RBM33: variants seen among roughly 807,000 people sequenced by gnomAD.
The protein encoded by RBM33 is RNA binding motif protein 33.
RBM33 carries 28 observed loss-of-function variants against 132.6 expected under a neutral mutation model. The observed-to-expected ratio is 0.21, with a 90% confidence interval of 0.16 to 0.29. RBM33 has a LOEUF of 0.29. Ranked by LOEUF, RBM33 falls within the 10% of genes least tolerant of loss-of-function variation. The pLI is 1.00. For missense variants in RBM33, 1,291 were observed against 1,518.5 expected (o/e 0.85, Z 2.49); for synonymous variants, 634 against 593.0 (o/e 1.07, Z -1.01).
chr7:155,657,277 T>C (rs1798518590), intron 1 of RBM33, among the ~76,000 whole-genome samples: 1 of 152,174 alleles, frequency 6.6e-6, no homozygotes, highest in African/African-American at 2.4e-5. Flanking sequence ...TTAAATTTCC[T>C]TCCGGAGTGC....
At chr7:155,679,502 G>GAT (rs199558845) in intron 4 of RBM33, among the ~76,000 whole-genome samples, 1,065 of 80,174 alleles carry the variant, frequency 0.013, 18 homozygotes, top group African/African-American at 0.039. Context: ...AAAGAGGAGA[G>GAT]ACACACTGGT....
intron 2 of RBM33, among the ~76,000 whole-genome samples, chr7:155,671,033 CA>C (rs1370927516): frequency 2.0e-5 from 3 of 152,152 alleles, no homozygotes; most frequent in Non-Finnish European, 2.9e-5. Flanking sequence ...GGGAAACTGG[CA>C]TCACATTCCA....
At chr7:155,658,952 T>C (rs1327124665) in intron 1 of RBM33, among the ~76,000 whole-genome samples, 3 of 152,192 alleles carry the variant, frequency 2.0e-5, no homozygotes, top group African/African-American at 7.2e-5. Flanking sequence ...TTCCTTTTTA[T>C]TGGATGCAGG....
chr7:155,679,945 T>C (rs1799292379), intron 4 of RBM33, among the ~76,000 whole-genome samples: 1 of 152,210 alleles, frequency 6.6e-6, no homozygotes, highest in South Asian at 2.1e-4. Flanking sequence ...CATGTTTTTT[T>C]TGCAGTTTCA....
intron 14 of RBM33, among the ~76,000 whole-genome samples, chr7:155,759,401 T>G (rs1470644429): frequency 6.6e-6 from 1 of 150,544 alleles, no homozygotes; most frequent in Non-Finnish European, 1.5e-5. Flanking sequence ...ATTTATTGAC[T>G]CAATGTTTAT....
intron 9 of RBM33, among the ~76,000 whole-genome samples, chr7:155,734,991 A>G (rs1360723755): frequency 6.6e-6 from 1 of 152,238 alleles, no homozygotes; most frequent in African/African-American, 2.4e-5. Context: ...AAATGCTTGC[A>G]CAGCTACTCT....
intron 2 of RBM33, among the ~76,000 whole-genome samples, chr7:155,666,336 C>G (rs566741899): frequency 6.6e-6 from 1 of 152,292 alleles, no homozygotes; most frequent in African/African-American, 2.4e-5. Context: ...GTGAATTTGC[C>G]CAACTCCAAC....
chr7:155,702,103 AGG>A (rs1799982661), intron 6 of RBM33, among the ~76,000 whole-genome samples: 1 of 152,216 alleles, frequency 6.6e-6, no homozygotes, highest in Non-Finnish European at 1.5e-5. Context: ...AGGAGGACAC[AGG>A]GGCTCTGCCT....
intron 2 of RBM33, among the ~76,000 whole-genome samples, chr7:155,671,696 A>G (rs1798946021): frequency 6.6e-6 from 1 of 152,220 alleles, no homozygotes; most frequent in South Asian, 2.1e-4. Context: ...AGCAATTCTA[A>G]TAACAATATC....
chr7:155,661,494 G>C (rs1477383437), intron 1 of RBM33, among the ~76,000 whole-genome samples: 1 of 149,530 alleles, frequency 6.7e-6, no homozygotes, highest in Non-Finnish European at 1.5e-5. Flanking sequence ...TGCAACCTCT[G>C]CCTCCTGGGT....
chr7:155,719,322 T>A (rs1304120292), intron 9 of RBM33, among the ~76,000 whole-genome samples: 1 of 152,204 alleles, frequency 6.6e-6, no homozygotes, highest in African/African-American at 2.4e-5. Flanking sequence ...ACTGTTTATC[T>A]TTGGTACTTC....
At chr7:155,683,677 G>A (rs752087403) in intron 5 of RBM33, among the ~76,000 whole-genome samples, 17 of 152,162 alleles carry the variant, frequency 1.1e-4, no homozygotes, top group Non-Finnish European at 2.4e-4. Context: ...AGAGTGAATT[G>A]TGATTTCATT....
chr7:155,712,447 T>C (rs1320367323), intron 8 of RBM33, among the ~76,000 whole-genome samples: 1 of 152,270 alleles, frequency 6.6e-6, no homozygotes, highest in East Asian at 1.9e-4. Context: ...TATTACTTTC[T>C]ATCAGACAGT....
intron 9 of RBM33, among the ~76,000 whole-genome samples, chr7:155,735,052 A>G (rs1163027646): frequency 6.6e-6 from 1 of 152,212 alleles, no homozygotes; most frequent in Admixed American, 6.5e-5. Context: ...AGTTGCAAAC[A>G]TCGTAAGTTG....
rs1802673429 is a variant in RBM33, at chr7:155,777,882, C to T, written c.*2841C>T. On this transcript the variant is annotated 3_prime_UTR_variant, in exon 18 of 18. Coordinates refer to ENST00000401878, the MANE Select transcript of RBM33 (RefSeq NM_053043.3). ...TCACAAATTCAAGAAGCTTAAAGGT[C>T]GTAAATATCAGTATCTCATAAGGTA... 1 of 152,640 alleles carries T rather than the reference C, an allele frequency of 6.6e-6. No individual in the cohort carries two copies. Among genetic ancestry groups the T allele is most frequent in the Non-Finnish European group, 1.5e-5 (1 of 68,034 alleles). 9.5% of individuals were successfully genotyped at this position (152,640 alleles called of 1,614,324 possible).
Position 155,775,126 on chromosome 7 carries a change from G to A in RBM33, c.*85G>A. On this transcript the variant is annotated 3_prime_UTR_variant, in exon 18 of 18. Transcript: ENST00000401878. ...GCTGCCGGCCGGCGCAGAACCCCCA[G>A]GAGCACAGGTCTCTCCGGGCCGCTG... 1 of 1,185,418 alleles carries A rather than the reference G, an allele frequency of 8.4e-7. No individual in the cohort carries two copies. Among genetic ancestry groups the A allele is most frequent in the Admixed American group, 1.7e-5 (1 of 58,674 alleles). The allele number at this position is 1,185,418 out of a possible 1,614,324, so 73.4% of individuals were successfully genotyped here.
chr7:155,709,736 A>G (rs1456826501), intron 7 of RBM33, among the ~76,000 whole-genome samples: 3 of 152,220 alleles, frequency 2.0e-5, no homozygotes, highest in Non-Finnish European at 4.4e-5. Context: ...AAGATAGACA[A>G]GATCCCTACT....
chr7:155,718,258 C>A, intron 8 of RBM33, 127 bp from the exon 9 acceptor site: 1 of 655,690 alleles, frequency 1.5e-6, no homozygotes, highest in South Asian at 2.3e-5. Context: ...TTAGCTTAAG[C>A]GTAAGCACAA....
chr7:155,655,533 C>CCTTTTTTTTTT (rs1798468939), intron 1 of RBM33, among the ~76,000 whole-genome samples: 1 of 43,734 alleles, frequency 2.3e-5, no homozygotes, highest in Non-Finnish European at 5.0e-5. Flanking sequence ...AGGCTGTTTG[C>CCTTTTTTTTTT]CTTTTTTTTT....
Sources: allele counts gnomAD v4.1 joint callset (sites outside exome capture counted in the v4.1 genomes callset), GRCh38; gene constraint gnomAD v4.1.1; transcripts MANE v1.5; gene names NCBI Gene and HGNC (gene_info 2026-07-23, HGNC 2026-07-21).